NTRK3: variants seen among roughly 807,000 people sequenced by gnomAD.
NTRK3 encodes neurotrophic receptor tyrosine kinase 3, also known as NT-3 growth factor receptor.
NTRK3 carries 24 observed loss-of-function variants against 91.7 expected under a neutral mutation model. The ratio of observed to expected loss-of-function variants is 0.26; its 90% CI spans 0.19 to 0.37. NTRK3 has a LOEUF of 0.37. Ranked by LOEUF, NTRK3 falls within the 10% of genes least tolerant of loss-of-function variation. The pLI is 1.00. For synonymous variants in NTRK3, 483 were observed against 404.0 expected, an observed-to-expected ratio of 1.20 and a Z score of -2.34; for missense variants, 880 against 1,068.9, an observed-to-expected ratio of 0.82 and a Z score of 2.46.
At chr15:88,070,996 C>A in intron 13 of NTRK3, among the ~76,000 whole-genome samples, 1 of 152,292 alleles carries the variant, frequency 6.6e-6, no homozygotes, top group Middle Eastern at 3.4e-3. Flanking sequence ...CAGAAAGAGA[C>A]ATCAGCCTGG....
At chr15:88,177,556 A>C (rs1035057912) in intron 5 of NTRK3, among the ~76,000 whole-genome samples, 1 of 152,260 alleles carries the variant, frequency 6.6e-6, no homozygotes, top group Admixed American at 6.5e-5. Flanking sequence ...GGCCTGAGCA[A>C]TTTGATGGAT....
exon 19 of NTRK3, chr15:87,863,994 TAC>T (rs879080380): frequency 0.011 from 2,434 of 214,448 alleles, 3 homozygotes; most frequent in Middle Eastern, 0.021. Flanking sequence ...CACACACACA[TAC>T]ACACACACAC....
At chr15:88,246,708 C>T (rs1490637865) in intron 3 of NTRK3, among the ~76,000 whole-genome samples, 1 of 152,198 alleles carries the variant, frequency 6.6e-6, no homozygotes, top group Non-Finnish European at 1.5e-5. Flanking sequence ...CCATCCAATG[C>T]ACTCGCCCAG....
rs1488773002 is a variant in NTRK3, at chr15:88,013,550, C to A, written c.1585+19307G>T. Among the ~76,000 whole-genome samples the A allele has an allele frequency of 3.9e-5, 6 of 152,358 alleles. No homozygotes were observed. In the South Asian group the frequency reaches 1.0e-3, roughly 26 times the overall value. On this transcript the variant is annotated intron_variant, in intron 14 of 18. Transcript: ENST00000394480. ...AATAGAAATGAATTCCCTTTATGAT[C>A]TGACAGCATTAAGTAACATGAAAGC... is the stretch of plus-strand genomic sequence containing the variant.
In NTRK3 at chr15:87,869,629, A is replaced by C. The variant is rs999025027; in HGVS notation, c.*7306T>G. Reference sequence around the variant, plus strand: ...AGAAGCTGGATTGTCAGTCCCATGGAAGCAGGAGGATAGAAGCCAAAAGAA... The same window carrying C: ...AGAAGCTGGATTGTCAGTCCCATGGCAGCAGGAGGATAGAAGCCAAAAGAA... On this transcript the variant is annotated 3_prime_UTR_variant, in exon 19 of 19. Transcript: ENST00000394480. 1.4e-5 allele frequency: 3 copies of C among 207,864 alleles called. No homozygotes were observed. The Admixed American group carries it at 1.8e-4, about 12-fold the overall frequency. 12.9% of individuals were successfully genotyped at this position (207,864 alleles called of 1,614,324 possible). A position where few individuals can be genotyped will look rare whatever the true frequency, so the allele number is the denominator to read the frequency against.
intron 14 of NTRK3, among the ~76,000 whole-genome samples, chr15:87,952,210 GA>G (rs2071184290): frequency 1.4e-5 from 2 of 140,994 alleles, no homozygotes; most frequent in Admixed American, 1.4e-4. Flanking sequence ...AAGAAAGAAA[GA>G]AGAAAAGAAA....
intron 14 of NTRK3, among the ~76,000 whole-genome samples, chr15:88,021,295 G>A (rs2077571878): frequency 6.6e-6 from 1 of 152,250 alleles, no homozygotes; most frequent in African/African-American, 2.4e-5. Flanking sequence ...AATGGGTTCA[G>A]GCCCATCTGG....
chr15:87,987,933 C>A (rs1322256446), intron 14 of NTRK3, among the ~76,000 whole-genome samples: 1 of 151,944 alleles, frequency 6.6e-6, no homozygotes, highest in Non-Finnish European at 1.5e-5. Context: ...TTTAATAAAT[C>A]TCCCTTACAG....
intron 3 of NTRK3, among the ~76,000 whole-genome samples, chr15:88,193,442 A>G (rs58413296): frequency 0.015 from 2,245 of 152,174 alleles, 53 homozygotes; most frequent in African/African-American, 0.051. Context: ...AGCAGTGGGG[A>G]AGTAGGAGGG....
At chr15:88,174,099 G>A (rs1311843584) in intron 5 of NTRK3, among the ~76,000 whole-genome samples, 1 of 152,126 alleles carries the variant, frequency 6.6e-6, no homozygotes, top group Non-Finnish European at 1.5e-5. Context: ...AGAATAAAGT[G>A]GGTAAAACTA....
In NTRK3 at chr15:87,929,907, G is replaced by A. The variant is rs542248101; in HGVS notation, c.1890-473C>T. The stretch of plus-strand genomic sequence containing the variant: ...GCCAAAGTCCCAGAGGTCCAGAATG[G>A]CCATATGGGAAATCAGGAAGTAGGA... On this transcript the variant is annotated intron_variant, in intron 16 of 18. Coordinates refer to ENST00000394480, the Ensembl canonical transcript of NTRK3. 9.7e-4 allele frequency among the ~76,000 whole-genome samples: 147 copies of A among 152,318 alleles called. 2 individuals are homozygous for A. Among genetic ancestry groups the A allele is most frequent in the South Asian group, 1.7e-3 (8 of 4,826 alleles).
At chr15:87,945,229 T>A (rs2070339003) in intron 14 of NTRK3, among the ~76,000 whole-genome samples, 2 of 152,226 alleles carry the variant, frequency 1.3e-5, no homozygotes, top group South Asian at 4.1e-4. Flanking sequence ...CCTTCTGGCC[T>A]GGCTTTTCCC....
chr15:87,951,562 C>T (rs1256705891), intron 14 of NTRK3, among the ~76,000 whole-genome samples: 2 of 152,152 alleles, frequency 1.3e-5, no homozygotes, highest in Non-Finnish European at 2.9e-5. Flanking sequence ...CATTCTTTCC[C>T]CCAGCAATGA....
chr15:88,168,171 C>A (rs1163504529), intron 5 of NTRK3, among the ~76,000 whole-genome samples: 2 of 152,102 alleles, frequency 1.3e-5, no homozygotes, highest in African/African-American at 4.8e-5. Context: ...GGGGGCAGGA[C>A]AAGAATATTC....
exon 18 of NTRK3, chr15:87,880,358 G>C (rs2141467874): frequency 1.2e-6 from 2 of 1,614,144 alleles, no homozygotes; most frequent in Non-Finnish European, 1.7e-6. Flanking sequence ...ATCACTCTCT[G>C]TAGTGAACTT....
At chr15:87,874,324 T>C in exon 19 of NTRK3, 1 of 59,946 alleles carries the variant, frequency 1.7e-5, no homozygotes, top group Non-Finnish European at 3.3e-5. Context: ...CTGCTTACAA[T>C]GGACACAGTA....
intron 3 of NTRK3, among the ~76,000 whole-genome samples, chr15:88,204,677 G>T (rs968186489): frequency 3.3e-5 from 5 of 152,160 alleles, no homozygotes; most frequent in African/African-American, 4.8e-5. Context: ...GAACTAATCA[G>T]TTACATAAAG....
chr15:87,949,718 C>A (rs1297878898), intron 14 of NTRK3, among the ~76,000 whole-genome samples: 1 of 152,194 alleles, frequency 6.6e-6, no homozygotes. Context: ...AGTACGCCTG[C>A]CCTTTCATAC....
chr15:88,087,724 T>A (rs186138279), intron 13 of NTRK3, among the ~76,000 whole-genome samples: 1 of 152,306 alleles, frequency 6.6e-6, no homozygotes, highest in Admixed American at 6.5e-5. Flanking sequence ...CACTGGCATA[T>A]GCAACGTCAC....
Sources: allele counts gnomAD v4.1 joint callset (sites outside exome capture counted in the v4.1 genomes callset), GRCh38; gene constraint gnomAD v4.1.1; transcripts MANE v1.5; gene names NCBI Gene and HGNC (gene_info 2026-07-23, HGNC 2026-07-21).